PRKN: variants seen among roughly 807,000 people sequenced by gnomAD.
PRKN encodes E3 ubiquitin-protein ligase parkin.
PRKN carries 56 observed loss-of-function variants against 59.5 expected under a neutral mutation model. The observed-to-expected ratio is 0.94, with a 90% CI of 0.76 to 1.18. The LOEUF (loss-of-function observed/expected upper bound fraction) is 1.18. PRKN is among the 50% of genes most tolerant of loss of function. The probability of loss-of-function intolerance (pLI) is 0.00; values close to 1 mark genes in which losing one functional copy is unlikely to be tolerated. For missense variants in PRKN, 657 were observed against 596.4 expected, an observed-to-expected ratio of 1.10 and a Z score of -1.06; for synonymous variants, 250 against 222.1, an observed-to-expected ratio of 1.13 and a Z score of -1.12.
intron 4 of PRKN, among the ~76,000 whole-genome samples, chr6:162,154,162 T>C (rs1583114543): frequency 6.6e-6 from 1 of 151,970 alleles, no homozygotes; most frequent in East Asian, 1.9e-4. Context: ...CCCACCACAC[T>C]CTGAAAAACA....
chr6:161,384,581 G>A (rs1772584426), intron 10 of PRKN, among the ~76,000 whole-genome samples: 1 of 152,220 alleles, frequency 6.6e-6, no homozygotes, highest in African/African-American at 2.4e-5. Flanking sequence ...TATAGATGCT[G>A]CCATCACTCA....
rs1198979234 is a variant in PRKN at position 162,515,737 on chromosome 6, C to A, written c.8-72264G>T. On this transcript the variant is annotated intron_variant, in intron 1 of 11. Coordinates refer to ENST00000366898, the MANE Select transcript of PRKN (RefSeq NM_004562.3). ...TCCTATCCCCCATCTCTAATTATGT[C>A]TAAATGTTCTTTTCTGTTCATGGAG... Among the ~76,000 whole-genome samples, 5 of 152,034 alleles carry A rather than the reference C, an allele frequency of 3.3e-5. No homozygotes were observed. The South Asian group carries it at 1.0e-3, about 32-fold the overall frequency.
chr6:162,706,132 TAAAAA>T (rs766578797), intron 1 of PRKN, among the ~76,000 whole-genome samples: 1 of 106,548 alleles, frequency 9.4e-6, no homozygotes, highest in Admixed American at 1.0e-4. Context: ...ACCTGAAGGT[TAAAAA>T]AAAAAAAAAA....
chr6:161,374,124 C>T (rs1785552628), intron 10 of PRKN, among the ~76,000 whole-genome samples: 1 of 152,132 alleles, frequency 6.6e-6, no homozygotes, highest in African/African-American at 2.4e-5. Context: ...TTGCCAGGGG[C>T]GCTTTCCTTT....
intron 7 of PRKN, among the ~76,000 whole-genome samples, chr6:161,702,925 A>G (rs919127846): frequency 6.6e-6 from 1 of 152,066 alleles, no homozygotes; most frequent in African/African-American, 2.4e-5. Context: ...GCACTATTAA[A>G]AGAATTAAAA....
intron 2 of PRKN, among the ~76,000 whole-genome samples, chr6:162,409,813 C>T (rs1341252344): frequency 9.2e-5 from 14 of 152,188 alleles, no homozygotes; most frequent in South Asian, 6.2e-4. Flanking sequence ...AATTCAAAGA[C>T]GAATTTAAAA....
At position 161,463,231 on chromosome 6, in the gene PRKN, GGTCAGCTTCACT is replaced by G. The variant is rs1453463566; in HGVS notation, c.1084-76366_1084-76355del. ...CACGGCCTCTGGAAGGTGACTGCCA[GGTCAGCTTCACT>G]GTCAGCTGGTGCCTCTCCTGACCCC... On this transcript the variant is annotated intron_variant, in intron 9 of 11. Transcript: ENST00000366898. This position sits in a 1 kb window ranked among gnomAD's most constrained non-coding sequence, Gnocchi z 4.8. Among the ~76,000 whole-genome samples the G allele has an allele frequency of 6.6e-6, 1 of 152,106 alleles. No individual in the cohort carries two copies. The highest frequency in any genetic ancestry group is 2.4e-5 in the African/African-American group (1 of 41,424).
intron 5 of PRKN, among the ~76,000 whole-genome samples, chr6:162,043,921 C>T (rs989966906): frequency 9.9e-5 from 15 of 152,162 alleles, no homozygotes; most frequent in Non-Finnish European, 1.9e-4. Context: ...CACGAACAGT[C>T]AAGACAGAAG....
chr6:161,927,704 G>A (rs752627293), intron 6 of PRKN, among the ~76,000 whole-genome samples: 30 of 151,916 alleles, frequency 2.0e-4, no homozygotes, highest in Non-Finnish European at 4.4e-4. Flanking sequence ...GAACTTGGGA[G>A]GCGGAAGTTG....
In PRKN at chr6:161,582,474, TGGA is replaced by T. The variant is rs1781375487; in HGVS notation, c.872-13061_872-13059del. Among the ~76,000 whole-genome samples the T allele has an allele frequency of 6.6e-6, 1 of 151,814 alleles. No individual in the cohort carries two copies. Among genetic ancestry groups the T allele is most frequent in the Non-Finnish European group, 1.5e-5 (1 of 67,980 alleles). ...CAGAGTCTCGCTCTGTCGCCTAGGC[TGGA>T]GTGCAGTGGCGCGATCTAGGCTCAC... On this transcript the variant is annotated intron_variant, in intron 7 of 11. Coordinates refer to ENST00000366898, the MANE Select transcript of PRKN (RefSeq NM_004562.3). This position sits in a 1 kb window ranked among gnomAD's most constrained non-coding sequence, Gnocchi z 4.4.
Position 161,499,636 on chromosome 6 carries a change from C to T in PRKN, c.1083+49218G>A, listed in dbSNP as rs191363986. Among the ~76,000 whole-genome samples the T allele has an allele frequency of 2.0e-4, 30 of 152,292 alleles. No homozygotes were observed. Among genetic ancestry groups the T allele is most frequent in the Admixed American group, 1.8e-3 (27 of 15,298 alleles). ...CGTGAAAAATGCAGATTGCAGGTTT[C>T]ATTTCAGACCTACTGGATTCGAGGT... On this transcript the variant is annotated intron_variant, in intron 9 of 11. Coordinates refer to ENST00000366898, the MANE Select transcript of PRKN (RefSeq NM_004562.3). The surrounding 1 kb of genome is among the most constrained non-coding windows in gnomAD (Gnocchi z 4.2).
At chr6:162,015,417 A>T (rs1782898152) in intron 5 of PRKN, among the ~76,000 whole-genome samples, 1 of 152,190 alleles carries the variant, frequency 6.6e-6, no homozygotes, top group African/African-American at 2.4e-5. Context: ...GAAAAGTAGT[A>T]TGGCAATCCC....
At chr6:162,556,364 T>TGTGCGTGTGTGC (rs1333960981) in intron 1 of PRKN, among the ~76,000 whole-genome samples, 5 of 91,172 alleles carry the variant, frequency 5.5e-5, no homozygotes, top group African/African-American at 1.6e-4. Context: ...TGTGTGTGTG[T>TGTGCGTGTGTGC]GTGTGTGTGT....
rs995276610 is a variant in PRKN, at chr6:162,010,271, A to C, written c.619-36854T>G. Among the ~76,000 whole-genome samples, 55 of 125,934 alleles carry C rather than the reference A, an allele frequency of 4.4e-4. 1 individual carries two copies. The highest frequency in any genetic ancestry group is 1.0e-3 in the African/African-American group (33 of 32,426). The allele number at this position is 125,934 out of a possible 152,430, so 82.6% of individuals were successfully genotyped here. On this transcript the variant is annotated intron_variant, in intron 5 of 11. Transcript: ENST00000366898. Reference sequence around the variant, plus strand: ...TATACATAATATATATTTTATATATATTATGTATGATAAATATATTTTATA... The same window carrying C: ...TATACATAATATATATTTTATATATCTTATGTATGATAAATATATTTTATA...
At chr6:162,207,285 T>C (rs1456605014) in intron 3 of PRKN, among the ~76,000 whole-genome samples, 1 of 151,974 alleles carries the variant, frequency 6.6e-6, no homozygotes, top group Non-Finnish European at 1.5e-5. Context: ...GGCAGGAGAA[T>C]CGCTTGAACC....
intron 2 of PRKN, among the ~76,000 whole-genome samples, chr6:162,334,392 C>T (rs191431825): frequency 6.6e-6 from 1 of 152,180 alleles, no homozygotes; most frequent in Non-Finnish European, 1.5e-5. Flanking sequence ...AAAGCCAATG[C>T]TCATTTCCAT....
chr6:162,032,400 G>C (rs1783676081), intron 5 of PRKN, among the ~76,000 whole-genome samples: 1 of 152,104 alleles, frequency 6.6e-6, no homozygotes, highest in African/African-American at 2.4e-5. Context: ...TTCTAAGGCA[G>C]AGATGGGAGT....
In PRKN at chr6:162,466,945, C is replaced by T. The variant is rs535045967; in HGVS notation, c.8-23472G>A. ...AATAAATAAGCAGCTGGTAAGTCAT[C>T]TCCCAGTTTTATCCCCAACTTCTAA... is the stretch of plus-strand genomic sequence containing the variant. On this transcript the variant is annotated intron_variant, in intron 1 of 11. Transcript: ENST00000366898. Among the ~76,000 whole-genome samples the T allele has an allele frequency of 7.2e-5, 11 of 152,218 alleles. No individual in the cohort carries two copies. The South Asian group carries it at 2.1e-3, about 29-fold the overall frequency.
chr6:161,522,775 C>T (rs1277789805), intron 9 of PRKN, among the ~76,000 whole-genome samples: 1 of 152,238 alleles, frequency 6.6e-6, no homozygotes, highest in African/African-American at 2.4e-5. Context: ...GTGTCTTTCC[C>T]TTCCGTAGTG....
Sources: allele counts gnomAD v4.1 joint callset (sites outside exome capture counted in the v4.1 genomes callset), GRCh38; gene constraint gnomAD v4.1.1; non-coding constraint Gnocchi (gnomAD v3.1); transcripts MANE v1.5; gene names NCBI Gene and HGNC (gene_info 2026-07-23, HGNC 2026-07-21).